The following CWF19L2 variants were observed in gnomAD, a reference collection of about 807,000 sequenced individuals.
The protein encoded by CWF19L2 is CWF19 like cell cycle control factor 2, also known as CWF19-like protein 2.
A neutral mutation model predicts 111.7 loss-of-function variants in CWF19L2; 98 were observed. The ratio of observed to expected loss-of-function variants is 0.88; its 90% CI spans 0.75 to 1.04. CWF19L2 has a LOEUF of 1.04. CWF19L2 is among the 50% of genes least tolerant of loss of function. CWF19L2 has a pLI of 0.00. For missense variants in CWF19L2, 1,101 were observed against 1,051.4 expected (o/e 1.05, Z -0.65); for synonymous variants, 351 against 342.9 (o/e 1.02, Z -0.26).
At chr11:107,389,728 G>A (rs562855646) in intron 12 of CWF19L2, among the ~76,000 whole-genome samples, 2 of 152,222 alleles carry the variant, frequency 1.3e-5, no homozygotes, top group Admixed American at 6.5e-5. Context: ...CTGGAGGAAC[G>A]TTAAGACAAG....
chr11:107,363,356 C>T (rs1383931692), intron 12 of CWF19L2, among the ~76,000 whole-genome samples: 1 of 151,974 alleles, frequency 6.6e-6, no homozygotes, highest in African/African-American at 2.4e-5. Context: ...AGAGCAACAC[C>T]AGGACACATA....
In CWF19L2 at chr11:107,367,809, C is replaced by T. The variant is rs1225818627; in HGVS notation, c.1873-14073G>A. The stretch of plus-strand genomic sequence containing the variant: ...AACGTGCACAATGTGCACATGTACC[C>T]TAAAACTTAAAGTATAAAACAAAAA... On this transcript the variant is annotated intron_variant, in intron 12 of 17. Coordinates refer to ENST00000282251, the MANE Select transcript of CWF19L2 (RefSeq NM_152434.3). 1.5e-5 allele frequency among the ~76,000 whole-genome samples: 2 copies of T among 134,908 alleles called. 1 individual carries two copies. The highest frequency in any genetic ancestry group is 3.2e-5 in the Non-Finnish European group (2 of 63,484). The allele number at this position is 134,908 out of a possible 152,430, so 88.5% of individuals were successfully genotyped here.
At chr11:107,416,569 C>T (rs1358409960) in intron 9 of CWF19L2, among the ~76,000 whole-genome samples, 1 of 152,092 alleles carries the variant, frequency 6.6e-6, no homozygotes, top group African/African-American at 2.4e-5. Context: ...AATACATAAC[C>T]TTAATGACAT....
At chr11:107,361,404 T>G (rs1030604274) in intron 12 of CWF19L2, among the ~76,000 whole-genome samples, 19 of 152,302 alleles carry the variant, frequency 1.2e-4, no homozygotes, top group South Asian at 8.3e-4. Flanking sequence ...CCTGCAGCTT[T>G]GCAGCTTTGG....
chr11:107,388,060 C>T (rs1283373881), intron 12 of CWF19L2, among the ~76,000 whole-genome samples: 2 of 152,098 alleles, frequency 1.3e-5, no homozygotes, highest in African/African-American at 4.8e-5. Flanking sequence ...AAATAATCTT[C>T]CCTCAGATAT....
intron 8 of CWF19L2, among the ~76,000 whole-genome samples, chr11:107,428,588 T>A (rs973086945): frequency 7.3e-6 from 1 of 136,622 alleles, no homozygotes; most frequent in Admixed American, 7.1e-5. Context: ...ATATAGCTAC[T>A]GCTTTCAGCT....
chr11:107,449,672 A>G (rs1182179506), intron 3 of CWF19L2, among the ~76,000 whole-genome samples: 1 of 152,104 alleles, frequency 6.6e-6, no homozygotes, highest in Non-Finnish European at 1.5e-5. Context: ...TAAAATATGC[A>G]TAAGACTTAA....
chr11:107,352,292 G>C lies in CWF19L2; in HGVS notation c.2085+1232C>G, dbSNP rs77895474. On this transcript the variant is annotated intron_variant, in intron 13 of 17. Transcript: ENST00000282251. ...TCTTTCGTGTTCCCACGAAATGCAA[G>C]AGCATTTATATCACTGCATTAAAAC... 1.4e-3 allele frequency among the ~76,000 whole-genome samples: 10 copies of C among 7,286 alleles called. No individual in the cohort carries two copies. The African/African-American group carries it at 0.017, about 12-fold the overall frequency. 4.8% of individuals were successfully genotyped at this position (7,286 alleles called of 152,430 possible).
rs773658186 is a variant in CWF19L2 at position 107,334,953 on chromosome 11, T to C, written c.2367A>G (p.Ile789Met). ...TGGACCACTCTTCATCAGATTCCATTATGGCTTTCTAAGAAATATCCATTT... is the reference window on the plus strand; with the variant it reads ...TGGACCACTCTTCATCAGATTCCATCATGGCTTTCTAAGAAATATCCATTT... ...DMAPIYFKKAIMESDEEWSMN... is the reference protein window; with the variant it reads ...DMAPIYFKKAMMESDEEWSMN... Residue 789 changes from isoleucine to methionine, a missense_variant, in exon 16 of 18, where the codon ATA becomes ATG. Physicochemically the swap from Ile to Met is conservative, Grantham distance 10. Coordinates refer to ENST00000282251, the MANE Select transcript of CWF19L2 (RefSeq NM_152434.3). The C allele has an allele frequency of 8.6e-5, 137 of 1,594,900 alleles. No individual in the cohort carries two copies. The highest frequency in any genetic ancestry group is 1.2e-4 in the Non-Finnish European group (134 of 1,163,686).
chr11:107,393,009 T>C (rs554862106), intron 10 of CWF19L2, 114 bp from the exon 11 acceptor site: 5 of 636,692 alleles, frequency 7.9e-6, no homozygotes, highest in African/African-American at 5.9e-5. Context: ...ACGTTGTGGA[T>C]TGCCTTAAAT....
At chr11:107,345,580 C>A in intron 14 of CWF19L2, 1 of 415,928 alleles carries the variant, frequency 2.4e-6, no homozygotes. Context: ...AAGAATGGTT[C>A]TGTATTATAA....
In CWF19L2 at chr11:107,390,170, A is replaced by G. The variant is rs1860827230; in HGVS notation, c.1776T>C (p.His592=). The G allele has an allele frequency of 2.5e-6, 4 of 1,611,212 alleles. No individual in the cohort carries two copies. The African/African-American group carries it at 5.3e-5, about 22-fold the overall frequency. ...HEERERVRYF[H]DDDNLSLNDL... ...CATTTAGGCTTAGATTATCATCATC[A>G]TGAAAGTATCTGACCCTTTCTCTTT... Residue 592 remains histidine (H), a synonymous_variant, in exon 12 of 18, where the codon CAT becomes CAC. Coordinates refer to ENST00000282251, the MANE Select transcript of CWF19L2 (RefSeq NM_152434.3).
chr11:107,339,431 C>CTAT (rs1393548571), intron 14 of CWF19L2, among the ~76,000 whole-genome samples: 1 of 152,078 alleles, frequency 6.6e-6, no homozygotes, highest in Non-Finnish European at 1.5e-5. Flanking sequence ...AGTGGTCATA[C>CTAT]TATTTTACAT....
At chr11:107,402,873 G>GTGTGTATGTATA (rs1247886311) in intron 10 of CWF19L2, among the ~76,000 whole-genome samples, 3 of 94,460 alleles carry the variant, frequency 3.2e-5, no homozygotes, top group East Asian at 6.0e-4. Context: ...ACTGTGGTGT[G>GTGTGTATGTATA]TATATATATA....
At chr11:107,446,163 C>G (rs1489334756) in intron 3 of CWF19L2, among the ~76,000 whole-genome samples, 1 of 152,176 alleles carries the variant, frequency 6.6e-6, no homozygotes, top group African/African-American at 2.4e-5. Context: ...ATAAATGCAG[C>G]TGAACCCAAT....
intron 12 of CWF19L2, among the ~76,000 whole-genome samples, chr11:107,379,930 A>T (rs1860656508): frequency 6.6e-6 from 1 of 151,240 alleles, no homozygotes; most frequent in Non-Finnish European, 1.5e-5. Flanking sequence ...GCATGGTTGC[A>T]GGCCCCTATA....
chr11:107,384,037 T>G (rs1229053615), intron 12 of CWF19L2, among the ~76,000 whole-genome samples: 1 of 152,222 alleles, frequency 6.6e-6, no homozygotes, highest in East Asian at 1.9e-4. Context: ...CAAGGATCAT[T>G]TCTTCTTCAT....
chr11:107,340,820 A>G (rs902166899), intron 14 of CWF19L2, among the ~76,000 whole-genome samples: 3 of 152,194 alleles, frequency 2.0e-5, no homozygotes, highest in African/African-American at 7.2e-5. Flanking sequence ...CATAAACATG[A>G]TATATCTACA....
At chr11:107,373,538 C>G (rs1860548749) in intron 12 of CWF19L2, among the ~76,000 whole-genome samples, 1 of 126,232 alleles carries the variant, frequency 7.9e-6, no homozygotes, top group Non-Finnish European at 1.7e-5. Flanking sequence ...CTGGGTACTT[C>G]AACAGACCTG....
Sources: allele counts gnomAD v4.1 joint callset (sites outside exome capture counted in the v4.1 genomes callset), GRCh38; gene constraint gnomAD v4.1.1; transcripts MANE v1.5; gene names NCBI Gene and HGNC (gene_info 2026-07-23, HGNC 2026-07-21).